The following SULF2 variants were observed in gnomAD, a reference collection of about 807,000 sequenced individuals.
SULF2 encodes extracellular sulfatase Sulf-2.
Under a neutral mutation model 107.7 loss-of-function variants are expected in SULF2, and 52 were observed. That is an observed-to-expected ratio of 0.48 (90% CI 0.39 to 0.61). SULF2 has a LOEUF of 0.61. SULF2 is among the 20% of genes least tolerant of loss of function. The probability of loss-of-function intolerance (pLI) is 0.00; values close to 1 mark genes in which losing one functional copy is unlikely to be tolerated. For missense variants in SULF2, 993 were observed against 1,177.3 expected, an observed-to-expected ratio of 0.84 and a Z score of 2.29; for synonymous variants, 460 against 464.3, an observed-to-expected ratio of 0.99 and a Z score of 0.12.
intron 3 of SULF2, among the ~76,000 whole-genome samples, chr20:47,706,128 G>A (rs981548142): frequency 6.6e-6 from 1 of 152,022 alleles, no homozygotes; most frequent in Non-Finnish European, 1.5e-5. Context: ...AAATAAACCT[G>A]CCTATGGTCC....
At chr20:47,732,335 C>T (rs1175143995) in intron 3 of SULF2, among the ~76,000 whole-genome samples, 6 of 152,192 alleles carry the variant, frequency 3.9e-5, no homozygotes, top group African/African-American at 1.4e-4. Flanking sequence ...AGCTAAATAA[C>T]TTGTCCAAGT....
intron 3 of SULF2, among the ~76,000 whole-genome samples, chr20:47,711,431 C>T (rs749850517): frequency 6.6e-6 from 1 of 152,226 alleles, no homozygotes; most frequent in Non-Finnish European, 1.5e-5. Context: ...TGAAACAGGA[C>T]CTGATCTGTC....
rs1318155428 is a variant in SULF2 at position 47,680,991 on chromosome 20, A to G, written c.1064+2003T>C. ...TCTGGCTACAGTGAATGGTTCAGGG[A>G]AGGACACGTGACCTAAGTCAGGCCA... On this transcript the variant is annotated intron_variant, in intron 7 of 20. Coordinates refer to ENST00000688720, the MANE Select transcript of SULF2 (RefSeq NM_001387048.1). This position sits in a 1 kb window ranked among gnomAD's most constrained non-coding sequence, Gnocchi z 4.2. Among the ~76,000 whole-genome samples the G allele has an allele frequency of 1.3e-5, 2 of 152,200 alleles. No individual in the cohort carries two copies. Among genetic ancestry groups the G allele is most frequent in the African/African-American group, 4.8e-5 (2 of 41,444 alleles).
intron 2 of SULF2, among the ~76,000 whole-genome samples, chr20:47,751,867 C>T (rs2090164727): frequency 6.6e-6 from 1 of 152,184 alleles, no homozygotes; most frequent in East Asian, 1.9e-4. Context: ...CCAAAACCAC[C>T]ACTCAGTTGC....
chr20:47,678,453 T>C lies in SULF2; in HGVS notation c.1193+223A>G, dbSNP rs906825740. The C allele has an allele frequency of 5.0e-6, 3 of 595,062 alleles. No homozygotes were observed. Among genetic ancestry groups the C allele is most frequent in the Non-Finnish European group, 9.0e-6 (3 of 332,930 alleles). The allele number at this position is 595,062 out of a possible 1,614,324, so 36.9% of individuals were successfully genotyped here. Reference sequence around the variant, plus strand: ...TTGGGTAATTTTAGCTCAGAGAAGGTCCCCAACTGGTCACCTTGGCCACAT... The same window carrying C: ...TTGGGTAATTTTAGCTCAGAGAAGGCCCCCAACTGGTCACCTTGGCCACAT... On this transcript the variant is annotated intron_variant, in intron 8 of 20. Coordinates refer to ENST00000688720, the MANE Select transcript of SULF2 (RefSeq NM_001387048.1). The surrounding 1 kb of genome is among the most constrained non-coding windows in gnomAD (Gnocchi z 4.5).
At chr20:47,662,027 C>G in intron 17 of SULF2, 131 bp from the exon 18 acceptor site, 1 of 948,762 alleles carries the variant, frequency 1.1e-6, no homozygotes, top group Non-Finnish European at 1.4e-6. Flanking sequence ...CCTGTTTACT[C>G]CAACTTCTGC....
chr20:47,667,459 TAAAGAA>T (rs1322042681), intron 11 of SULF2, among the ~76,000 whole-genome samples: 2 of 152,090 alleles, frequency 1.3e-5, no homozygotes, highest in African/African-American at 4.8e-5. Context: ...TTGGTAACAT[TAAAGAA>T]AAAGGGGAGG....
Position 47,739,452 on chromosome 20 carries a change from C to T in SULF2, c.176-2510G>A, listed in dbSNP as rs542723063. 1.6e-4 allele frequency among the ~76,000 whole-genome samples: 25 copies of T among 152,316 alleles called. No individual in the cohort carries two copies. The East Asian group carries it at 2.5e-3, about 15-fold the overall frequency. On this transcript the variant is annotated intron_variant, in intron 2 of 20. Transcript: ENST00000688720. ...CATTGGCCGCCCTCCCACCTCCTGG[C>T]CCCTGCCTCAGCCGTACCCCCAGCC...
intron 3 of SULF2, among the ~76,000 whole-genome samples, chr20:47,710,106 T>TG (rs922056327): frequency 3.3e-5 from 5 of 152,128 alleles, no homozygotes; most frequent in African/African-American, 1.2e-4. Flanking sequence ...TTCACCATGT[T>TG]GGCCAGGCTG....
intron 2 of SULF2, among the ~76,000 whole-genome samples, chr20:47,749,950 C>A (rs2090125448): frequency 6.6e-6 from 1 of 152,212 alleles, no homozygotes; most frequent in Non-Finnish European, 1.5e-5. Flanking sequence ...CAGGCACCTG[C>A]AACTTCCCAG....
chr20:47,728,209 CTGTG>C (rs1172769821), intron 3 of SULF2, among the ~76,000 whole-genome samples: 1 of 151,956 alleles, frequency 6.6e-6, no homozygotes, highest in East Asian at 1.9e-4. Context: ...AAGAAGGGAG[CTGTG>C]TGTGTGCGTG....
At chr20:47,758,879 T>C (rs1019777404) in intron 1 of SULF2, among the ~76,000 whole-genome samples, 3 of 152,172 alleles carry the variant, frequency 2.0e-5, no homozygotes, top group South Asian at 4.1e-4. Flanking sequence ...TTGCCCTTCA[T>C]GGGGAACCCC....
At position 47,667,350 on chromosome 20, in the gene SULF2, G is replaced by A. The variant is rs540170476; in HGVS notation, c.1577-862C>T. On this transcript the variant is annotated intron_variant, in intron 11 of 20. Transcript: ENST00000688720. The stretch of plus-strand genomic sequence containing the variant: ...GGTGGGCCGGCAACAAGGCTGAGGG[G>A]GGCTTTTGCATACGCCCTGACGCTG... Among the ~76,000 whole-genome samples, 16 of 152,240 alleles carry A rather than the reference G, an allele frequency of 1.1e-4. No homozygotes were observed. The South Asian group carries it at 3.3e-3, about 32-fold the overall frequency.
At chr20:47,664,574 T>C (rs1423592958) in intron 14 of SULF2, among the ~76,000 whole-genome samples, 1 of 152,216 alleles carries the variant, frequency 6.6e-6, no homozygotes, top group Non-Finnish European at 1.5e-5. Context: ...CTCACCACCC[T>C]GCCTACTCAC....
chr20:47,676,415 GCGGCTCTCAGAGCCTCGCAGGTCAGGGC>G (rs1395405387), intron 10 of SULF2, 51 bp downstream of exon 10: 2 of 1,521,274 alleles, frequency 1.3e-6, no homozygotes, highest in African/African-American at 2.7e-5. Context: ...TGCTGGCTCA[GCGGCTCTCAGAGCCTCGCAGGTCAGGGC>G]CGGCTGCAGT....
At chr20:47,761,249 A>C (rs970228824) in intron 1 of SULF2, among the ~76,000 whole-genome samples, 8 of 152,128 alleles carry the variant, frequency 5.3e-5, no homozygotes, top group African/African-American at 1.9e-4. Context: ...TACTGTCCTA[A>C]GGCCACCCAG....
chr20:47,750,719 C>T (rs770505247), intron 2 of SULF2, among the ~76,000 whole-genome samples: 4 of 152,212 alleles, frequency 2.6e-5, no homozygotes, highest in Non-Finnish European at 5.9e-5. Context: ...ATGCCTTGCA[C>T]GGTCCATCCA....
At chr20:47,740,185 A>G (rs73135287) in intron 2 of SULF2, among the ~76,000 whole-genome samples, 4 of 152,292 alleles carry the variant, frequency 2.6e-5, no homozygotes, top group Admixed American at 1.3e-4. Flanking sequence ...AATTCTCCCA[A>G]TGGCCCATTT....
At chr20:47,689,994 TG>T in intron 5 of SULF2, 131 bp downstream of exon 5, 1 of 892,142 alleles carries the variant, frequency 1.1e-6, no homozygotes, top group East Asian at 3.3e-5. Context: ...AGTATGTTCT[TG>T]GGGTCTTTAA....
Sources: gnomAD v4.1 joint callset for allele counts (sites outside exome capture counted in the v4.1 genomes callset) on GRCh38, gnomAD v4.1.1 for gene constraint, Gnocchi (gnomAD v3.1) non-coding constraint, MANE v1.5 for transcripts, NCBI Gene and HGNC (gene_info 2026-07-23, HGNC 2026-07-21) for gene names.